The following ARID3A variants were observed in gnomAD, a reference collection of about 807,000 sequenced individuals.
ARID3A encodes AT-rich interactive domain-containing protein 3A.
Under a neutral mutation model 52.7 loss-of-function variants are expected in ARID3A, and 11 were observed. That is an observed-to-expected ratio of 0.21 (90% CI 0.13 to 0.35). The LOEUF is 0.35. Among genes scored for constraint, ARID3A ranks in the 10% least tolerant of loss-of-function variants. The pLI is 1.00. For missense variants in ARID3A, 721 were observed against 838.5 expected (o/e 0.86, Z 1.73); for synonymous variants, 404 against 359.4 (o/e 1.12, Z -1.40).
chr19:948,171 C>T (rs1018101288), intron 3 of ARID3A, among the ~76,000 whole-genome samples: 1 of 151,902 alleles, frequency 6.6e-6, no homozygotes, highest in African/African-American at 2.4e-5. Flanking sequence ...CCCAGCTGAC[C>T]TCTTCCTCCT....
rs10417619 is a variant in ARID3A, at chr19:942,295, G to A, written c.693+9553G>A. Among the ~76,000 whole-genome samples the A allele has an allele frequency of 6.6e-6, 1 of 152,176 alleles. No homozygotes were observed. Among genetic ancestry groups the A allele is most frequent in the African/African-American group, 2.4e-5 (1 of 41,448 alleles). ...CGATGGCCCAAATTACCTGACTGTC[G>A]ATCCTGACTGGGGCGGTGGCGACAT... On this transcript the variant is annotated intron_variant, in intron 3 of 8. Coordinates refer to ENST00000263620, the MANE Select transcript of ARID3A (RefSeq NM_005224.3). This position sits in a 1 kb window ranked among gnomAD's most constrained non-coding sequence, Gnocchi z 8.1.
rs1351484016 is a variant in ARID3A, at chr19:947,930, G to A, written c.694-12162G>A. Reference sequence around the variant, plus strand: ...CTGGCTGTGCTGACGGGAATTGAAAGGACCTCGTGGCTTAGGCAGGCGGGG... The same window carrying A: ...CTGGCTGTGCTGACGGGAATTGAAAAGACCTCGTGGCTTAGGCAGGCGGGG... On this transcript the variant is annotated intron_variant, in intron 3 of 8. Coordinates refer to ENST00000263620, the MANE Select transcript of ARID3A (RefSeq NM_005224.3). This position sits in a 1 kb window ranked among gnomAD's most constrained non-coding sequence, Gnocchi z 6.3. Among the ~76,000 whole-genome samples the A allele has an allele frequency of 6.6e-6, 1 of 152,200 alleles. No individual in the cohort carries two copies. Among genetic ancestry groups the A allele is most frequent in the Non-Finnish European group, 1.5e-5 (1 of 68,034 alleles).
At chr19:932,780 G>A (rs1471721562) in intron 3 of ARID3A, 38 bp downstream of exon 3, 1 of 1,545,238 alleles carries the variant, frequency 6.5e-7, no homozygotes, top group Non-Finnish European at 8.7e-7. Flanking sequence ...TGAGGCACCT[G>A]CTCCTGGGCC....
Position 966,745 on chromosome 19 carries a change from C to A in ARID3A, c.1372C>A (p.Pro458Thr). ...QLREKLESAE[P>T]PEKKMALVAD... ...GCGGGAGAAGCTGGAGTCTGCAGAG[C>A]CTCCGGAGAAGAAGATGGCCCTGGT... Residue 458 changes from proline (P) to threonine (T), a missense_variant, in exon 7 of 9, where the codon CCT (proline) becomes ACT (threonine). Physicochemically the swap from Pro to Thr is conservative, Grantham distance 38. Around this residue, in one of 5 missense-constraint regions of ARID3A, gnomAD observed 297 missense variants for 343.2 expected, o/e 0.87. Transcript: ENST00000263620. 1 of 1,613,066 alleles carries A rather than the reference C, an allele frequency of 6.2e-7. No homozygotes were observed. The highest frequency in any genetic ancestry group is 2.2e-5 in the East Asian group (1 of 44,856).
At chr19:931,836 A>C (rs865948749) in intron 2 of ARID3A, among the ~76,000 whole-genome samples, 1,753 of 149,170 alleles carry the variant, frequency 0.012, 37 homozygotes, top group African/African-American at 0.04. Flanking sequence ...AAAAAAAAAA[A>C]CGGCTGCCAA....
chr19:932,201 G>A (rs1317680871), intron 2 of ARID3A, among the ~76,000 whole-genome samples: 1 of 152,168 alleles, frequency 6.6e-6, no homozygotes, highest in Non-Finnish European at 1.5e-5. Flanking sequence ...TCACGCTGTA[G>A]GGACGGCTTG....
intron 3 of ARID3A, among the ~76,000 whole-genome samples, chr19:956,989 C>T (rs936956844): frequency 6.6e-6 from 1 of 152,236 alleles, no homozygotes; most frequent in Admixed American, 6.5e-5. Flanking sequence ...CCACATTCCC[C>T]CGAGCTTAAT....
chr19:972,219 A>G lies in ARID3A; in HGVS notation c.*154A>G. On this transcript the variant is annotated 3_prime_UTR_variant, in exon 9 of 9. Transcript: ENST00000263620. ...CAGCTGACGCCAAAAAGAAAAGAAAAAAGATATATATATATATATATATAT... is the reference window on the plus strand; with the variant it reads ...CAGCTGACGCCAAAAAGAAAAGAAAGAAGATATATATATATATATATATAT... The G allele has an allele frequency of 2.8e-6, 1 of 352,770 alleles. No homozygotes were observed. Among genetic ancestry groups the G allele is most frequent in the Non-Finnish European group, 5.0e-6 (1 of 198,162 alleles). 21.9% of individuals were successfully genotyped at this position (352,770 alleles called of 1,614,324 possible).
intron 3 of ARID3A, among the ~76,000 whole-genome samples, chr19:943,197 G>T (rs531804191): frequency 1.7e-4 from 26 of 151,546 alleles, no homozygotes; most frequent in African/African-American, 5.8e-4. Flanking sequence ...GGAAGTCGAG[G>T]CTGTAGTGAG....
intron 1 of ARID3A, among the ~76,000 whole-genome samples, chr19:927,524 G>A (rs906412185): frequency 2.0e-5 from 3 of 151,996 alleles, no homozygotes; most frequent in African/African-American, 4.8e-5. Flanking sequence ...CTGGTGGGGG[G>A]AGTGGCTTCC....
chr19:932,774 G>A (rs1420980524), intron 3 of ARID3A, 32 bp downstream of exon 3: 46 of 1,545,520 alleles, frequency 3.0e-5, no homozygotes, highest in Non-Finnish European at 3.8e-5. Flanking sequence ...GGCGGCTGAG[G>A]CACCTGCTCC....
intron 8 of ARID3A, among the ~76,000 whole-genome samples, chr19:971,625 A>G (rs2038277153): frequency 6.6e-6 from 1 of 152,084 alleles, no homozygotes; most frequent in South Asian, 2.1e-4. Flanking sequence ...AAAAAAAACA[A>G]AAAAATAAAA....
rs747101369 is a variant in ARID3A, at chr19:929,482, G to C, written c.-47G>C. 7.4e-5 allele frequency: 68 copies of C among 924,212 alleles called. No individual in the cohort carries two copies. The highest frequency in any genetic ancestry group is 1.9e-4 in the Admixed American group (5 of 26,300). 57.3% of individuals were successfully genotyped at this position (924,212 alleles called of 1,614,324 possible). On this transcript the variant is annotated 5_prime_UTR_variant, in exon 2 of 9. Transcript: ENST00000263620. The surrounding 1 kb of genome is among the most constrained non-coding windows in gnomAD (Gnocchi z 6.2). The stretch of plus-strand genomic sequence containing the variant: ...CCCCCGCCGCCCACCCCTAGCGCCC[G>C]TGGTGGTGGTGGTGGTGGTGGTGGT...
Position 932,568 on chromosome 19 carries a change from C to A in ARID3A, c.519C>A (p.Phe173Leu), listed in dbSNP as rs1224344789. The A allele has an allele frequency of 2.0e-6, 3 of 1,504,584 alleles. No homozygotes were observed. Among genetic ancestry groups the A allele is most frequent in the Non-Finnish European group, 2.7e-6 (3 of 1,129,698 alleles). The allele number at this position is 1,504,584 out of a possible 1,614,324, so 93.2% of individuals were successfully genotyped here. A position where few individuals can be genotyped will look rare whatever the true frequency, so the allele number is the denominator to read the frequency against. Residue 173 changes from phenylalanine (F) to leucine (L), a missense_variant, in exon 3 of 9, where the codon TTC becomes TTA. Phe to Leu is a conservative substitution (Grantham distance 22). Coordinates refer to ENST00000263620, the MANE Select transcript of ARID3A (RefSeq NM_005224.3). The part of the protein sequence containing the change: ...GPASLGTTAL[F>L]PRKAQPPQAF... ...CCAGCTTGGGCACCACGGCACTGTTCCCCCGAAAGGCCCAGCCACCCCAGG... is the reference window on the plus strand; with the variant it reads ...CCAGCTTGGGCACCACGGCACTGTTACCCCGAAAGGCCCAGCCACCCCAGG...
intron 2 of ARID3A, among the ~76,000 whole-genome samples, chr19:930,102 A>G (rs1396498222): frequency 1.3e-5 from 2 of 152,128 alleles, no homozygotes; most frequent in African/African-American, 4.8e-5. Flanking sequence ...CATCTCCGCA[A>G]AAAATTAAAA....
At position 929,960 on chromosome 19, in the gene ARID3A, C is replaced by T; in HGVS notation, c.368+64C>T. On this transcript the variant is annotated intron_variant, in intron 2 of 8. Coordinates refer to ENST00000263620, the MANE Select transcript of ARID3A (RefSeq NM_005224.3). The surrounding 1 kb of genome is among the most constrained non-coding windows in gnomAD (Gnocchi z 6.2). ...TACTGGCTCTGAGTGTCACTCTGCT[C>T]ATCTGCAGAATGGGAGTAAGGGTCA... 5 of 1,525,842 alleles carry T rather than the reference C, an allele frequency of 3.3e-6. No homozygotes were observed. The highest frequency in any genetic ancestry group is 4.4e-6 in the Non-Finnish European group (5 of 1,140,248). 94.5% of individuals were successfully genotyped at this position (1,525,842 alleles called of 1,614,324 possible). A position where few individuals can be genotyped will look rare whatever the true frequency, so the allele number is the denominator to read the frequency against.
rs141917785 is a variant in ARID3A, at chr19:972,010, G to A, written c.1727G>A (p.Gly576Glu). Reference sequence around the variant, plus strand: ...ACCGGAACCAGCGGCGGCCAGGCTGGGCCAGCGGGGCTGTCCACACCCTCC... The same window carrying A: ...ACCGGAACCAGCGGCGGCCAGGCTGAGCCAGCGGGGCTGTCCACACCCTCC... ...GNTGTSGGQA[G>E]PAGLSTPSTS... Residue 576 changes from glycine to glutamate, a missense_variant, in exon 9 of 9, where the codon GGG becomes GAG. Transcript: ENST00000263620. 2 of 1,598,676 alleles carry A rather than the reference G, an allele frequency of 1.3e-6. No homozygotes were observed. The highest frequency in any genetic ancestry group is 2.7e-5 in the African/African-American group (2 of 73,552).
rs766789167 is a variant in ARID3A at position 960,101 on chromosome 19, C to G, written c.703C>G (p.Leu235Val). The G allele has an allele frequency of 6.2e-7, 1 of 1,613,084 alleles. No individual in the cohort carries two copies. The change falls in exon 4 of 9, where the codon CTC becomes GTC. Residue 235 changes from leucine (L) to valine (V), a missense_variant. This residue lies in a region of ARID3A where 27 missense variants were observed against 35.7 expected (regional missense o/e 0.76). Transcript: ENST00000263620. The surrounding 1 kb of genome is among the most constrained non-coding windows in gnomAD (Gnocchi z 4.3). ...CTCTCCACCCTCACAGCTCTACGAACTCGACGGGGACCCCAAGAGGAAGGA... is the reference window on the plus strand; with the variant it reads ...CTCTCCACCCTCACAGCTCTACGAAGTCGACGGGGACCCCAAGAGGAAGGA... Reference protein sequence around the residue: ...YEEQFKQLYELDGDPKRKEFL... With the variant: ...YEEQFKQLYEVDGDPKRKEFL...
rs1288302867 is a variant in ARID3A, at chr19:969,057, T to C, written c.1594+554T>C. On this transcript the variant is annotated intron_variant, in intron 8 of 8. Transcript: ENST00000263620. ...GTGATGACGCCACTGCACTCCAGCC[T>C]GGGCCACAGACCGAGACCCTGTCTC... 3.9e-5 allele frequency among the ~76,000 whole-genome samples: 6 copies of C among 152,254 alleles called. No individual in the cohort carries two copies. In the East Asian group the frequency reaches 1.2e-3, roughly 29 times the overall value.
Sources: gnomAD v4.1 joint callset for allele counts (sites outside exome capture counted in the v4.1 genomes callset) on GRCh38, gnomAD v4.1.1 for gene constraint, gnomAD v4.1.1 regional missense constraint, Gnocchi (gnomAD v3.1) non-coding constraint, MANE v1.5 for transcripts, NCBI Gene and HGNC (gene_info 2026-07-23, HGNC 2026-07-21) for gene names.